GNG4: variants seen among roughly 807,000 people sequenced by gnomAD.
GNG4 encodes guanine nucleotide-binding protein G(I)/G(S)/G(O) subunit gamma-4.
In GNG4, 4 loss-of-function variants were observed where a neutral mutation model predicts 5.8. The observed-to-expected ratio is 0.69, with a 90% CI of 0.34 to 1.57. The LOEUF (loss-of-function observed/expected upper bound fraction) is 1.57, where lower values mean the gene tolerates loss of function less well. GNG4 is among the 40% of genes most tolerant of loss of function. The probability of loss-of-function intolerance (pLI) is 0.06; values close to 1 mark genes in which losing one functional copy is unlikely to be tolerated. For synonymous variants in GNG4, 29 were observed against 32.9 expected, an observed-to-expected ratio of 0.88 and a Z score of 0.41; for missense variants, 96 against 95.1, an observed-to-expected ratio of 1.01 and a Z score of -0.04.
intron 2 of GNG4, among the ~76,000 whole-genome samples, chr1:235,592,189 TCTGA>T (rs2102952475): frequency 6.6e-6 from 1 of 152,284 alleles, no homozygotes; most frequent in South Asian, 2.1e-4. Flanking sequence ...AGGACTCAAC[TCTGA>T]CTGCTGCTTT....
In GNG4 at chr1:235,567,279, G is replaced by A. The variant is rs556604601; in HGVS notation, c.100-15042C>T. Among the ~76,000 whole-genome samples, 35 of 152,174 alleles carry A rather than the reference G, an allele frequency of 2.3e-4. No homozygotes were observed. The South Asian group carries it at 7.3e-3, about 32-fold the overall frequency. ...GGACTATATGTTTATACAAATATAT[G>A]TGTACATATATACACATATATGTGT... On this transcript the variant is annotated intron_variant, in intron 3 of 3. Coordinates refer to ENST00000391854, the MANE Select transcript of GNG4 (RefSeq NM_001098722.2).
At chr1:235,564,150 T>C (rs959519756) in intron 3 of GNG4, among the ~76,000 whole-genome samples, 2 of 152,146 alleles carry the variant, frequency 1.3e-5, no homozygotes, top group Non-Finnish European at 2.9e-5. Context: ...ATTATCCTAA[T>C]TGAATTAATG....
intron 3 of GNG4, among the ~76,000 whole-genome samples, chr1:235,571,090 T>C (rs1185673789): frequency 1.3e-5 from 2 of 151,822 alleles, no homozygotes; most frequent in South Asian, 4.2e-4. Context: ...TGTGAGTCAC[T>C]GTGCTGGCCT....
chr1:235,621,955 G>A (rs527745856), intron 1 of GNG4, among the ~76,000 whole-genome samples: 2 of 152,214 alleles, frequency 1.3e-5, no homozygotes, highest in Non-Finnish European at 2.9e-5. Flanking sequence ...GGGATTACAG[G>A]CATGAGCCAC....
intron 1 of GNG4, among the ~76,000 whole-genome samples, chr1:235,633,512 G>C (rs1330039702): frequency 6.6e-6 from 1 of 152,132 alleles, no homozygotes; most frequent in African/African-American, 2.4e-5. Flanking sequence ...TTTTGAGACA[G>C]GGTCTCATTC....
At chr1:235,581,823 G>A (rs1687644877) in intron 3 of GNG4, among the ~76,000 whole-genome samples, 2 of 152,236 alleles carry the variant, frequency 1.3e-5, no homozygotes, top group African/African-American at 2.4e-5. Flanking sequence ...GTGACAGTGT[G>A]TGTGCCTAAG....
intron 3 of GNG4, among the ~76,000 whole-genome samples, chr1:235,561,211 G>A (rs900595078): frequency 2.0e-5 from 3 of 151,870 alleles, no homozygotes; most frequent in African/African-American, 7.3e-5. Flanking sequence ...GGGTTTCACC[G>A]TGTTAGCCAG....
chr1:235,554,828 A>G (rs1286405978), intron 3 of GNG4, among the ~76,000 whole-genome samples: 2 of 146,854 alleles, frequency 1.4e-5, no homozygotes, highest in African/African-American at 5.1e-5. Flanking sequence ...CTGGGCAACA[A>G]GAGTGAAACT....
At chr1:235,597,631 T>TGTG (rs71174447) in intron 1 of GNG4, among the ~76,000 whole-genome samples, 3 of 107,894 alleles carry the variant, frequency 2.8e-5, no homozygotes, top group Non-Finnish European at 3.6e-5. Flanking sequence ...TGTGTGTGTA[T>TGTG]TTTTTTTTTT....
chr1:235,610,877 G>A (rs1688462987), intron 1 of GNG4, among the ~76,000 whole-genome samples: 2 of 152,142 alleles, frequency 1.3e-5, no homozygotes, highest in Admixed American at 1.3e-4. Context: ...CTGAGGTCAG[G>A]AGTTCAAGAC....
At position 235,551,168 on chromosome 1, in the gene GNG4, A is replaced by G. The variant is rs1284310306; in HGVS notation, c.*941T>C. The G allele has an allele frequency of 6.6e-6, 1 of 152,224 alleles. No homozygotes were observed. The highest frequency in any genetic ancestry group is 1.5e-5 in the Non-Finnish European group (1 of 68,096). 9.4% of individuals were successfully genotyped at this position (152,224 alleles called of 1,614,324 possible). On this transcript the variant is annotated 3_prime_UTR_variant, in exon 4 of 4. Coordinates refer to ENST00000391854, the MANE Select transcript of GNG4 (RefSeq NM_001098722.2). ...TGACTTCGGTGTCCGCCCACCATCT[A>G]CCTTTGTAGGACCACTGAAACAAGG...
At chr1:235,636,122 G>C (rs892648189) in intron 1 of GNG4, among the ~76,000 whole-genome samples, 3 of 152,170 alleles carry the variant, frequency 2.0e-5, no homozygotes, top group Admixed American at 6.5e-5. Flanking sequence ...CTCTCTCTCT[G>C]TAGAGGGAGA....
intron 1 of GNG4, among the ~76,000 whole-genome samples, chr1:235,625,600 G>A (rs933570346): frequency 6.6e-6 from 1 of 152,026 alleles, no homozygotes; most frequent in Admixed American, 6.5e-5. Context: ...CAGAGCAGGA[G>A]GTGCCTCCAC....
At chr1:235,598,180 C>A (rs890426870) in intron 1 of GNG4, among the ~76,000 whole-genome samples, 1 of 152,222 alleles carries the variant, frequency 6.6e-6, no homozygotes, top group Non-Finnish European at 1.5e-5. Flanking sequence ...GAGACTAAGG[C>A]CCTGCTCTAC....
intron 1 of GNG4, among the ~76,000 whole-genome samples, chr1:235,638,242 T>G (rs917130852): frequency 6.6e-6 from 1 of 152,204 alleles, no homozygotes; most frequent in African/African-American, 2.4e-5. Flanking sequence ...CCCTTCAAAA[T>G]AGAGGAATGG....
intron 1 of GNG4, among the ~76,000 whole-genome samples, chr1:235,628,424 G>A (rs995552360): frequency 7.1e-6 from 1 of 140,050 alleles, no homozygotes; most frequent in Non-Finnish European, 1.5e-5. Flanking sequence ...GACGGGGGGG[G>A]GTTACAAGAC....
chr1:235,569,106 T>G (rs528598511), intron 3 of GNG4, among the ~76,000 whole-genome samples: 8 of 152,272 alleles, frequency 5.3e-5, no homozygotes, highest in African/African-American at 1.9e-4. Flanking sequence ...GGACAACAGG[T>G]GTGAGCCACT....
intron 3 of GNG4, among the ~76,000 whole-genome samples, chr1:235,571,601 T>A (rs760482174): frequency 4.6e-5 from 7 of 152,192 alleles, no homozygotes; most frequent in Non-Finnish European, 8.8e-5. Flanking sequence ...TCCCTTTCTA[T>A]AGGGAAATTT....
chr1:235,628,781 G>A (rs776022112), intron 1 of GNG4, among the ~76,000 whole-genome samples: 4 of 152,156 alleles, frequency 2.6e-5, no homozygotes, highest in Non-Finnish European at 4.4e-5. Context: ...CTAGGTGGTG[G>A]CCCTTTTTAA....
Sources: gnomAD v4.1 joint callset for allele counts (sites outside exome capture counted in the v4.1 genomes callset) on GRCh38, gnomAD v4.1.1 for gene constraint, MANE v1.5 for transcripts, NCBI Gene and HGNC (gene_info 2026-07-23, HGNC 2026-07-21) for gene names.